WWP1: variants seen among roughly 807,000 people sequenced by gnomAD.
The protein encoded by WWP1 is WW domain containing E3 ubiquitin protein ligase 1, also known as NEDD4-like E3 ubiquitin-protein ligase WWP1.
A neutral mutation model predicts 130.6 loss-of-function variants in WWP1; 49 were observed. The observed-to-expected ratio is 0.38, with a 90% CI of 0.30 to 0.48. WWP1 has a LOEUF of 0.48. WWP1 is among the 20% of genes least tolerant of loss of function. The pLI, the probability that WWP1 is intolerant of heterozygous loss-of-function variation, is 0.99. For synonymous variants in WWP1, 332 were observed against 367.8 expected, an observed-to-expected ratio of 0.90 and a Z score of 1.11; for missense variants, 809 against 1,100.6, an observed-to-expected ratio of 0.74 and a Z score of 3.75.
At chr8:86,356,129 T>A (rs1563460110) in intron 1 of WWP1, among the ~76,000 whole-genome samples, 1 of 148,102 alleles carries the variant, frequency 6.8e-6, no homozygotes, top group Non-Finnish European at 1.5e-5. Context: ...CTGCTGTTGT[T>A]ATATTTTGGA....
At chr8:86,434,834 A>G (rs1341004547) in intron 14 of WWP1, among the ~76,000 whole-genome samples, 2 of 152,160 alleles carry the variant, frequency 1.3e-5, no homozygotes, top group Non-Finnish European at 2.9e-5. Flanking sequence ...ATCTGTTCCA[A>G]AGTGTTCCTT....
intron 22 of WWP1, among the ~76,000 whole-genome samples, chr8:86,458,470 A>AT (rs1237349572): frequency 3.3e-5 from 5 of 152,092 alleles, no homozygotes; most frequent in African/African-American, 4.8e-5. Flanking sequence ...TTATTTATGT[A>AT]TTTTTTTAGC....
At chr8:86,415,608 C>T (rs1296840168) in intron 9 of WWP1, among the ~76,000 whole-genome samples, 1 of 152,138 alleles carries the variant, frequency 6.6e-6, no homozygotes, top group Non-Finnish European at 1.5e-5. Flanking sequence ...ATGCGTATGT[C>T]TGTGTAACTC....
rs61141803 is a variant in WWP1 at position 86,451,214 on chromosome 8, T to TAAAAAAAAA, written c.2274-1314_2274-1306dup. 2.7e-3 allele frequency among the ~76,000 whole-genome samples: 116 copies of TAAAAAAAAA among 43,674 alleles called. 10 individuals are homozygous for TAAAAAAAAA. Among genetic ancestry groups the TAAAAAAAAA allele is most frequent in the Non-Finnish European group, 3.4e-3 (81 of 23,620 alleles). 28.7% of individuals were successfully genotyped at this position (43,674 alleles called of 152,430 possible). On this transcript the variant is annotated intron_variant, in intron 20 of 24. Coordinates refer to ENST00000517970, the MANE Select transcript of WWP1 (RefSeq NM_007013.4). ...GCAACCGAGTGAGACCCTATGTTAT[T>TAAAAAAAAA]AAAAAAAAAAAAAAAAAAAAAAAAA... is the stretch of plus-strand genomic sequence containing the variant.
chr8:86,417,290 A>G (rs965137691), intron 9 of WWP1: 1 of 152,122 alleles, frequency 6.6e-6, no homozygotes, highest in Admixed American at 6.5e-5. Flanking sequence ...GTAAGTACCT[A>G]CATAATCATC....
intron 7 of WWP1, among the ~76,000 whole-genome samples, chr8:86,401,711 C>T (rs531113985): frequency 5.6e-4 from 85 of 151,720 alleles, no homozygotes; most frequent in African/African-American, 1.9e-3. Flanking sequence ...TGTGGGAGAC[C>T]GTATTTATTT....
intron 2 of WWP1, among the ~76,000 whole-genome samples, chr8:86,372,547 A>G (rs10106735): frequency 0.13 from 20,070 of 152,196 alleles, 3,544 homozygotes; most frequent in African/African-American, 0.41. Context: ...ATTTATTCTA[A>G]AAGTTCTACT....
At chr8:86,373,181 T>G (rs935930405) in intron 2 of WWP1, among the ~76,000 whole-genome samples, 2 of 152,070 alleles carry the variant, frequency 1.3e-5, no homozygotes, top group African/African-American at 4.8e-5. Context: ...GTTACTGATT[T>G]TTAACTTAAT....
intron 5 of WWP1, among the ~76,000 whole-genome samples, chr8:86,391,439 T>C (rs1807332112): frequency 6.6e-6 from 1 of 152,172 alleles, no homozygotes; most frequent in Non-Finnish European, 1.5e-5. Flanking sequence ...TTCCCTTATG[T>C]CACCAGTGTG....
rs1442606235 is a variant in WWP1 at position 86,342,890 on chromosome 8, C to A, written c.-155C>A. ...CCGCCGCAGGAGGAGGTGCCGCTGC[C>A]GTGGCCGCCCGGCTGCCGGGAGCCG... is the stretch of plus-strand genomic sequence containing the variant. On this transcript the variant is annotated 5_prime_UTR_variant, in exon 1 of 25. Coordinates refer to ENST00000517970, the MANE Select transcript of WWP1 (RefSeq NM_007013.4). 7.5e-6 allele frequency: 2 copies of A among 266,580 alleles called. No individual in the cohort carries two copies. Among genetic ancestry groups the A allele is most frequent in the Non-Finnish European group, 6.9e-6 (1 of 144,124 alleles). 16.5% of individuals were successfully genotyped at this position (266,580 alleles called of 1,614,324 possible). A position where few individuals can be genotyped will look rare whatever the true frequency, so the allele number is the denominator to read the frequency against.
chr8:86,435,373 G>A (rs1810234823), intron 14 of WWP1, 79 bp from the exon 15 acceptor site: 3 of 1,460,574 alleles, frequency 2.1e-6, no homozygotes, highest in Admixed American at 1.8e-5. Context: ...TTGGACTTTA[G>A]TACACTCTGA....
intron 1 of WWP1, among the ~76,000 whole-genome samples, chr8:86,345,403 T>G (rs545491740): frequency 5.9e-5 from 9 of 152,292 alleles, no homozygotes; most frequent in African/African-American, 1.9e-4. Flanking sequence ...TCAGAATTTC[T>G]TGGAGCTTTT....
chr8:86,463,853 G>C (rs528992695), intron 24 of WWP1, among the ~76,000 whole-genome samples: 1 of 152,014 alleles, frequency 6.6e-6, no homozygotes, highest in Admixed American at 6.5e-5. Context: ...TTGAGCTCAG[G>C]AGTTCGAGAC....
intron 1 of WWP1, among the ~76,000 whole-genome samples, chr8:86,358,235 G>A (rs188328920): frequency 1.3e-5 from 2 of 152,238 alleles, no homozygotes; most frequent in East Asian, 3.9e-4. Flanking sequence ...TTGGTGAGGT[G>A]AGCATGGACT....
At chr8:86,401,340 G>T (rs1325263604) in intron 7 of WWP1, among the ~76,000 whole-genome samples, 2 of 151,916 alleles carry the variant, frequency 1.3e-5, no homozygotes, top group Non-Finnish European at 2.9e-5. Flanking sequence ...TGGGAGGATC[G>T]CTTGAGGCCA....
intron 1 of WWP1, among the ~76,000 whole-genome samples, chr8:86,364,869 AG>A (rs1823878976): frequency 2.0e-5 from 3 of 151,836 alleles, no homozygotes; most frequent in African/African-American, 2.4e-5. Flanking sequence ...AAGAAGAAAG[AG>A]AGAAAGAAAG....
Position 86,442,725 on chromosome 8 carries a change from A to G in WWP1, c.1945A>G (p.Ile649Val). 1 of 1,612,930 alleles carries G rather than the reference A, an allele frequency of 6.2e-7. No homozygotes were observed. Among genetic ancestry groups the G allele is most frequent in the Non-Finnish European group, 8.5e-7 (1 of 1,179,558 alleles). ...YCLQINPAST[I>V]NPDHLSYFCF... is the part of the protein sequence containing the mutation. ...TCTGCAGATAAATCCAGCATCAACC[A>G]TTAATCCAGACCATCTTTCATACTT... Residue 649 changes from isoleucine to valine, a missense_variant, in exon 18 of 25, where the codon ATT becomes GTT. Around this residue, in one of 3 missense-constraint regions of WWP1, gnomAD observed 450 missense variants for 674.2 expected, o/e 0.67. Transcript: ENST00000517970.
chr8:86,348,290 C>G (rs1381165279), intron 1 of WWP1, among the ~76,000 whole-genome samples: 2 of 151,988 alleles, frequency 1.3e-5, no homozygotes, highest in Non-Finnish European at 2.9e-5. Context: ...GCAATCTTGG[C>G]TCACTGCAGC....
chr8:86,464,354 T>G (rs988484547), intron 24 of WWP1, among the ~76,000 whole-genome samples: 4 of 152,236 alleles, frequency 2.6e-5, no homozygotes, highest in Non-Finnish European at 4.4e-5. Flanking sequence ...AATCACTCTT[T>G]CCACTATTTT....
Sources: gnomAD v4.1 joint callset for allele counts (sites outside exome capture counted in the v4.1 genomes callset) on GRCh38, gnomAD v4.1.1 for gene constraint, gnomAD v4.1.1 regional missense constraint, MANE v1.5 for transcripts, NCBI Gene and HGNC (gene_info 2026-07-23, HGNC 2026-07-21) for gene names.